The following ZMYM4 variants were observed in gnomAD, a reference collection of about 807,000 sequenced individuals.
ZMYM4 encodes the protein zinc finger MYM-type protein 4.
A neutral mutation model predicts 183.2 loss-of-function variants in ZMYM4; 31 were observed. The observed-to-expected ratio is 0.17, with a 90% CI of 0.13 to 0.23. ZMYM4 has a LOEUF of 0.23. Among genes scored for constraint, ZMYM4 ranks in the 10% least tolerant of loss-of-function variants. The pLI, the probability that ZMYM4 is intolerant of heterozygous loss-of-function variation, is 1.00. For synonymous variants in ZMYM4, 592 were observed against 631.2 expected, an observed-to-expected ratio of 0.94 and a Z score of 0.93; for missense variants, 1,273 against 1,840.3, an observed-to-expected ratio of 0.69 and a Z score of 5.64.
intron 2 of ZMYM4, among the ~76,000 whole-genome samples, chr1:35,349,786 T>C (rs1216196557): frequency 2.0e-5 from 3 of 146,676 alleles, no homozygotes; most frequent in Non-Finnish European, 4.5e-5. Flanking sequence ...GCTGAGATCA[T>C]ACCACTGCAC....
intron 5 of ZMYM4, among the ~76,000 whole-genome samples, chr1:35,364,323 C>T (rs772964323): frequency 2.0e-5 from 3 of 152,104 alleles, no homozygotes; most frequent in Non-Finnish European, 4.4e-5. Flanking sequence ...GTGGATAGAG[C>T]TAGGTTTTCC....
intron 1 of ZMYM4, among the ~76,000 whole-genome samples, chr1:35,320,270 A>G (rs1309825581): frequency 2.0e-5 from 3 of 152,226 alleles, no homozygotes; most frequent in African/African-American, 7.2e-5. Flanking sequence ...AGCAGTGCCA[A>G]TGATTTACTC....
chr1:35,347,643 T>C (rs1026207779), intron 2 of ZMYM4, among the ~76,000 whole-genome samples: 3 of 152,130 alleles, frequency 2.0e-5, no homozygotes, highest in African/African-American at 7.2e-5. Flanking sequence ...AGAGAGAAGA[T>C]GAAAATACAG....
chr1:35,351,436 A>G (rs1297072017), intron 2 of ZMYM4: 9 of 1,576,266 alleles, frequency 5.7e-6, no homozygotes, highest in Middle Eastern at 2.3e-4. Flanking sequence ...GAGGAGATGT[A>G]TAAGAAAGCT....
At chr1:35,333,685 C>G (rs780820437) in intron 2 of ZMYM4, among the ~76,000 whole-genome samples, 2 of 152,074 alleles carry the variant, frequency 1.3e-5, no homozygotes, top group Non-Finnish European at 2.9e-5. Flanking sequence ...CCATGTTTTT[C>G]AGTGCTCATA....
At chr1:35,357,581 A>G (rs927999160) in intron 2 of ZMYM4, among the ~76,000 whole-genome samples, 1 of 152,198 alleles carries the variant, frequency 6.6e-6, no homozygotes, top group Admixed American at 6.5e-5. Context: ...GAAAAGATGG[A>G]TTTGAGAGAG....
At chr1:35,351,658 G>A in intron 2 of ZMYM4, 1 of 530,732 alleles carries the variant, frequency 1.9e-6, no homozygotes, top group Non-Finnish European at 3.3e-6. Flanking sequence ...TAAACTGATG[G>A]ATAGCAACAA....
rs761324487 is a variant in ZMYM4, at chr1:35,381,304, C to T, written c.1227C>T (p.Asn409=). 1 of 1,612,536 alleles carries T rather than the reference C, an allele frequency of 6.2e-7. No homozygotes were observed. Among genetic ancestry groups the T allele is most frequent in the Non-Finnish European group, 8.5e-7 (1 of 1,179,312 alleles). ...PKDVISAQFE[N]TTTSKDFCSQ... ...ATGTGATCAGTGCCCAGTTTGAAAACACCACCACTAGTAAAGATTTTTGCA... is the reference window on the plus strand; with the variant it reads ...ATGTGATCAGTGCCCAGTTTGAAAATACCACCACTAGTAAAGATTTTTGCA... The change falls in exon 8 of 30, where the codon AAC becomes AAT. Residue 409 remains asparagine, a synonymous_variant. Coordinates refer to ENST00000314607, the MANE Select transcript of ZMYM4 (RefSeq NM_005095.3).
At position 35,366,880 on chromosome 1, in the gene ZMYM4, C is replaced by T. The variant is rs933974931; in HGVS notation, c.841-3149C>T. Among the ~76,000 whole-genome samples, 7 of 151,894 alleles carry T rather than the reference C, an allele frequency of 4.6e-5. No individual in the cohort carries two copies. The East Asian group carries it at 5.8e-4, about 13-fold the overall frequency. On this transcript the variant is annotated intron_variant, in intron 5 of 29. Transcript: ENST00000314607. ...AAATACAAAAATTACAGAAATTAGC[C>T]GGGCGTGGTGGTGCATGCCTGTAAT...
chr1:35,417,065 A>G (rs970936115), intron 28 of ZMYM4, among the ~76,000 whole-genome samples: 6 of 152,112 alleles, frequency 3.9e-5, no homozygotes, highest in Non-Finnish European at 5.9e-5. Context: ...GGAAAGTCCT[A>G]TACCGGTTGT....
chr1:35,287,698 C>G (rs1446921411), intron 1 of ZMYM4, among the ~76,000 whole-genome samples: 1 of 151,928 alleles, frequency 6.6e-6, no homozygotes, highest in Non-Finnish European at 1.5e-5. Context: ...CTCCATCTCC[C>G]GGGTTCAAGC....
chr1:35,374,120 C>T (rs1644282145), intron 7 of ZMYM4, among the ~76,000 whole-genome samples: 1 of 149,676 alleles, frequency 6.7e-6, no homozygotes, highest in Non-Finnish European at 1.5e-5. Flanking sequence ...CAACCTCCAC[C>T]TCCGGGGTTC....
chr1:35,309,763 G>A (rs1043356699), intron 1 of ZMYM4, among the ~76,000 whole-genome samples: 4 of 151,710 alleles, frequency 2.6e-5, no homozygotes, highest in African/African-American at 4.9e-5. Context: ...CAGCCTGGCC[G>A]ACAGAGTAAG....
At position 35,358,952 on chromosome 1, in the gene ZMYM4, C is replaced by G. The variant is rs764508425; in HGVS notation, c.113C>G (p.Ser38Cys). 3.7e-5 allele frequency: 59 copies of G among 1,612,928 alleles called. No homozygotes were observed. Among genetic ancestry groups the G allele is most frequent in the Non-Finnish European group, 4.9e-5 (58 of 1,179,408 alleles). ...GGTGGTATCATGGATACAGAAATGT[C>G]TGAAGATATAGACCACAACTTAACT... Reference protein sequence around the residue: ...NCGGIMDTEMSEDIDHNLTPT... With the variant: ...NCGGIMDTEMCEDIDHNLTPT... The change falls in exon 3 of 30, where the codon TCT becomes TGT. Residue 38 changes from serine (S) to cysteine (C), a missense_variant. Around this residue, in one of 6 missense-constraint regions of ZMYM4, gnomAD observed 384 missense variants for 465.6 expected, o/e 0.82. Coordinates refer to ENST00000314607, the MANE Select transcript of ZMYM4 (RefSeq NM_005095.3).
At chr1:35,412,071 T>A (rs1444285504) in intron 26 of ZMYM4, among the ~76,000 whole-genome samples, 1 of 151,752 alleles carries the variant, frequency 6.6e-6, no homozygotes, top group Non-Finnish European at 1.5e-5. Context: ...TTTTGTATTT[T>A]TAGTAGAGAC....
At chr1:35,394,254 A>G (rs1225011040) in intron 18 of ZMYM4, among the ~76,000 whole-genome samples, 1 of 133,582 alleles carries the variant, frequency 7.5e-6, no homozygotes, top group African/African-American at 2.8e-5. Context: ...TGGGCAGGGT[A>G]GTAGTCTCTG....
In ZMYM4 at chr1:35,297,220, A is replaced by G. The variant is rs950303782; in HGVS notation, c.39+28135A>G. ...GTTCTGTCTGCCCTCACTTTCACAC[A>G]ATAAACTTGGCGAGACTGAATTCAA... On this transcript the variant is annotated intron_variant, in intron 1 of 29. Coordinates refer to ENST00000314607, the MANE Select transcript of ZMYM4 (RefSeq NM_005095.3). Among the ~76,000 whole-genome samples, 4 of 151,848 alleles carry G rather than the reference A, an allele frequency of 2.6e-5. No homozygotes were observed. The South Asian group carries it at 8.3e-4, about 32-fold the overall frequency.
rs1256349444 is a variant in ZMYM4, at chr1:35,397,500, G to A, written c.3154G>A (p.Glu1052Lys). 3 of 1,613,260 alleles carry A rather than the reference G, an allele frequency of 1.9e-6. No individual in the cohort carries two copies. Among genetic ancestry groups the A allele is most frequent in the South Asian group, 2.2e-5 (2 of 90,962 alleles). Residue 1052 changes from glutamate (E) to lysine (K), a missense_variant, in exon 20 of 30, where the codon GAA becomes AAA. Glu to Lys is a moderately conservative substitution (Grantham distance 56, BLOSUM62 1). Coordinates refer to ENST00000314607, the MANE Select transcript of ZMYM4 (RefSeq NM_005095.3). ...TGAAGCTGATCTCCTTGAGATGGCA[G>A]AAATGATTGCAGAAGATGAAGAGAA... ...PFEADLLEMA[E>K]MIAEDEEKKT...
intron 2 of ZMYM4, among the ~76,000 whole-genome samples, chr1:35,353,338 A>G (rs187564732): frequency 1.3e-5 from 2 of 152,330 alleles, no homozygotes; most frequent in East Asian, 3.9e-4. Flanking sequence ...CACAGAAGCT[A>G]TATGTAGAAT....
Sources: gnomAD v4.1 joint callset for allele counts (sites outside exome capture counted in the v4.1 genomes callset) on GRCh38, gnomAD v4.1.1 for gene constraint, gnomAD v4.1.1 regional missense constraint, MANE v1.5 for transcripts, NCBI Gene and HGNC (gene_info 2026-07-23, HGNC 2026-07-21) for gene names.